Variants in PRKN observed in about 807,000 individuals in gnomAD.
PRKN encodes parkin RBR E3 ubiquitin protein ligase.
PRKN carries 56 observed loss-of-function variants against 59.5 expected under a neutral mutation model. That is an observed-to-expected ratio of 0.94 (90% CI 0.76 to 1.18). PRKN has a LOEUF of 1.18. PRKN is among the 50% of genes most tolerant of loss of function. The pLI is 0.00. For synonymous variants in PRKN, 250 were observed against 222.1 expected (o/e 1.13, Z -1.12); for missense variants, 657 against 596.4 (o/e 1.10, Z -1.06).
chr6:162,619,991 C>T (rs530167806), intron 1 of PRKN, among the ~76,000 whole-genome samples: 74 of 152,188 alleles, frequency 4.9e-4, no homozygotes, highest in African/African-American at 1.8e-3. Context: ...ACATACATGA[C>T]ATTGCAATCT....
chr6:162,034,180 T>TAGAGAGAGAG (rs1417118689), intron 5 of PRKN, among the ~76,000 whole-genome samples: 3 of 122,812 alleles, frequency 2.4e-5, no homozygotes, highest in African/African-American at 3.5e-5. Context: ...TATATATATA[T>TAGAGAGAGAG]ATATATAGAG....
At position 161,452,105 on chromosome 6, in the gene PRKN, C is replaced by T. The variant is rs543302880; in HGVS notation, c.1084-65228G>A. Among the ~76,000 whole-genome samples, 20 of 150,312 alleles carry T rather than the reference C, an allele frequency of 1.3e-4. 1 individual carries two copies. In the South Asian group the frequency reaches 4.0e-3, roughly 30 times the overall value. ...TGAGTAGCTGGGATTACAGGCGCAC[C>T]ACCACACCCAGCTAATTTTTGTATT... On this transcript the variant is annotated intron_variant, in intron 9 of 11. Coordinates refer to ENST00000366898, the MANE Select transcript of PRKN (RefSeq NM_004562.3).
intron 4 of PRKN, among the ~76,000 whole-genome samples, chr6:162,136,881 T>A (rs1283325233): frequency 6.6e-6 from 1 of 152,148 alleles, no homozygotes; most frequent in Non-Finnish European, 1.5e-5. Flanking sequence ...ACAACACAGA[T>A]AACTCCAAAA....
chr6:162,547,737 C>A (rs1779175136), intron 1 of PRKN, among the ~76,000 whole-genome samples: 1 of 152,004 alleles, frequency 6.6e-6, no homozygotes, highest in South Asian at 2.1e-4. Context: ...CACACCACCA[C>A]AATGGGCTAA....
At chr6:162,144,071 TAAG>T (rs776186598) in intron 4 of PRKN, among the ~76,000 whole-genome samples, 11 of 152,186 alleles carry the variant, frequency 7.2e-5, no homozygotes, top group Non-Finnish European at 1.5e-4. Flanking sequence ...GGTTGACACT[TAAG>T]AAGGCAAAGA....
Position 161,475,963 on chromosome 6 carries a change from G to A in PRKN, c.1083+72891C>T, listed in dbSNP as rs1791047743. Among the ~76,000 whole-genome samples, 1 of 152,064 alleles carries A rather than the reference G, an allele frequency of 6.6e-6. No homozygotes were observed. The highest frequency in any genetic ancestry group is 6.6e-5 in the Admixed American group (1 of 15,248). On this transcript the variant is annotated intron_variant, in intron 9 of 11. Coordinates refer to ENST00000366898, the MANE Select transcript of PRKN (RefSeq NM_004562.3). The surrounding 1 kb of genome is among the most constrained non-coding windows in gnomAD (Gnocchi z 5.3). ...GCATTTTGGGAGGCCAAGGTGGGCG[G>A]ATCACGAGGTCAGGAGATGGAGACC...
At chr6:162,435,990 T>G (rs1789749497) in intron 2 of PRKN, among the ~76,000 whole-genome samples, 1 of 151,704 alleles carries the variant, frequency 6.6e-6, no homozygotes, top group African/African-American at 2.4e-5. Context: ...TGTTTTATAG[T>G]CAATAGAAAA....
At chr6:162,020,175 G>A (rs1783081585) in intron 5 of PRKN, among the ~76,000 whole-genome samples, 2 of 151,802 alleles carry the variant, frequency 1.3e-5, no homozygotes, top group African/African-American at 4.8e-5. Context: ...GTGTTTTTGT[G>A]GCTTGGTCAG....
chr6:162,450,347 C>G (rs547429667), intron 1 of PRKN, among the ~76,000 whole-genome samples: 7 of 97,864 alleles, frequency 7.2e-5, no homozygotes, highest in Admixed American at 2.1e-4. Context: ...GATTGTAATC[C>G]CCCTGTGAAT....
intron 1 of PRKN, chr6:162,568,457 T>A: frequency 1.6e-6 from 1 of 628,910 alleles, no homozygotes. Context: ...GTGGCCTGGG[T>A]GGAGGCTCTG....
chr6:162,236,890 GAGA>G (rs1778753687), intron 3 of PRKN, among the ~76,000 whole-genome samples: 1 of 151,276 alleles, frequency 6.6e-6, no homozygotes, highest in Non-Finnish European at 1.5e-5. Context: ...GAGAGAGAGA[GAGA>G]AGGAGGGAAG....
intron 7 of PRKN, among the ~76,000 whole-genome samples, chr6:161,623,190 C>G (rs963105591): frequency 1.3e-5 from 2 of 152,196 alleles, no homozygotes; most frequent in Non-Finnish European, 2.9e-5. Context: ...TGCCAAGACC[C>G]TTAACCACAG....
At chr6:161,737,705 C>G (rs1019593570) in intron 7 of PRKN, among the ~76,000 whole-genome samples, 3 of 152,144 alleles carry the variant, frequency 2.0e-5, no homozygotes, top group African/African-American at 7.2e-5. Context: ...TAAAGCAAAA[C>G]TGCCTAGAAC....
chr6:162,567,496 A>G (rs1001827440), intron 1 of PRKN, among the ~76,000 whole-genome samples: 1 of 152,150 alleles, frequency 6.6e-6, no homozygotes, highest in African/African-American at 2.4e-5. Context: ...GAAATAAATA[A>G]AAGAAATTTT....
intron 7 of PRKN, among the ~76,000 whole-genome samples, chr6:161,630,854 G>A (rs575805913): frequency 2.6e-5 from 4 of 152,228 alleles, no homozygotes; most frequent in African/African-American, 9.6e-5. Context: ...AACCACTTGG[G>A]AAAGAACCAC....
chr6:162,127,857 G>T (rs1250355864), intron 4 of PRKN, among the ~76,000 whole-genome samples: 1 of 152,158 alleles, frequency 6.6e-6, no homozygotes, highest in Non-Finnish European at 1.5e-5. Context: ...AATATACAAT[G>T]AAAATCCAGT....
chr6:161,744,716 G>A (rs1410872063), intron 7 of PRKN, among the ~76,000 whole-genome samples: 1 of 152,182 alleles, frequency 6.6e-6, no homozygotes, highest in Admixed American at 6.5e-5. Context: ...AATGATGCAT[G>A]GGCAGGCCTG....
chr6:162,079,579 C>A (rs1401130760), intron 4 of PRKN, among the ~76,000 whole-genome samples: 1 of 151,940 alleles, frequency 6.6e-6, no homozygotes, highest in African/African-American at 2.4e-5. Context: ...TGTTTAAACC[C>A]CTCTCATGGT....
chr6:162,273,970 G>A (rs1780498529), intron 2 of PRKN, among the ~76,000 whole-genome samples: 1 of 151,924 alleles, frequency 6.6e-6, no homozygotes, highest in Admixed American at 6.6e-5. Context: ...TACGAAGGAG[G>A]AATTTTCCTA....
Sources: allele counts gnomAD v4.1 joint callset (sites outside exome capture counted in the v4.1 genomes callset), GRCh38; gene constraint gnomAD v4.1.1; non-coding constraint Gnocchi (gnomAD v3.1); transcripts MANE v1.5; gene names NCBI Gene and HGNC (gene_info 2026-07-23, HGNC 2026-07-21).